Variants in PRSS35 observed in about 807,000 individuals in gnomAD.
PRSS35 encodes the protein serine protease 35, also known as inactive serine protease 35.
A neutral mutation model predicts 8.1 loss-of-function variants in PRSS35; 7 were observed. The ratio of observed to expected loss-of-function variants is 0.86; its 90% CI spans 0.49 to 1.62. The LOEUF is 1.62. Among genes scored for constraint, PRSS35 ranks in the 40% most tolerant of loss-of-function variants. The pLI is 0.00. For synonymous variants in PRSS35, 199 were observed against 188.7 expected, an observed-to-expected ratio of 1.05 and a Z score of -0.45; for missense variants, 566 against 518.0, an observed-to-expected ratio of 1.09 and a Z score of -0.90.
chr6:83,519,823 A>G (rs1381118753), intron 1 of PRSS35, among the ~76,000 whole-genome samples: 4 of 152,200 alleles, frequency 2.6e-5, no homozygotes, highest in Non-Finnish European at 5.9e-5. Context: ...CTCAAAGGGC[A>G]CCAGGCAGGG....
intron 1 of PRSS35, among the ~76,000 whole-genome samples, chr6:83,516,156 T>G (rs1431479591): frequency 6.6e-6 from 1 of 152,152 alleles, no homozygotes; most frequent in Non-Finnish European, 1.5e-5. Context: ...AGGCAGACTG[T>G]TGTAAAAACT....
chr6:83,524,633 C>T lies in PRSS35; in HGVS notation c.1192C>T (p.Gln398Ter). Residue 398 changes from glutamine (Q) to a stop codon, truncating the protein, a stop_gained, in exon 2 of 2, where the codon CAG becomes TAG. Transcript: ENST00000369700. LOFTEE classifies it high-confidence loss of function. Reference sequence around the variant, plus strand: ...TCGCATCACTCCCCTAAAATACGCCCAGATTTGCCTCTGGATTCACGGGAA... The same window carrying T: ...TCGCATCACTCCCCTAAAATACGCCTAGATTTGCCTCTGGATTCACGGGAA... ...AVRITPLKYAQICLWIHGNDA... is the reference protein window; with the variant it reads ...AVRITPLKYA 6.2e-7 allele frequency: 1 copy of T among 1,613,662 alleles called. No individual in the cohort carries two copies. The highest frequency in any genetic ancestry group is 8.5e-7 in the Non-Finnish European group (1 of 1,179,882).
chr6:83,523,807 A>G lies in PRSS35; in HGVS notation c.366A>G (p.Arg122=). 6.2e-7 allele frequency: 1 copy of G among 1,614,210 alleles called. No individual in the cohort carries two copies. Among genetic ancestry groups the G allele is most frequent in the South Asian group, 1.1e-5 (1 of 91,090 alleles). The change falls in exon 2 of 2, where the codon AGA becomes AGG. Residue 122 remains arginine (R), a synonymous_variant. Transcript: ENST00000369700. ...TTKGVSVRRK[R]QVYGTDSRFS... is the part of the protein sequence containing the mutation. ...AGGGAGTATCTGTTAGGAGAAAGAG[A>G]CAGGTGTATGGCACCGACAGCAGGT...
chr6:83,522,675 T>G (rs761300588), intron 1 of PRSS35, among the ~76,000 whole-genome samples: 5 of 152,222 alleles, frequency 3.3e-5, no homozygotes, highest in Non-Finnish European at 5.9e-5. Context: ...AGCACAACTT[T>G]GTTTTTTAAA....
chr6:83,519,174 T>G (rs1771775519), intron 1 of PRSS35, among the ~76,000 whole-genome samples: 1 of 152,190 alleles, frequency 6.6e-6, no homozygotes, highest in African/African-American at 2.4e-5. Flanking sequence ...TGTAATTACA[T>G]CTCTTCCATC....
chr6:83,523,899 G>A lies in PRSS35; in HGVS notation c.458G>A (p.Gly153Asp), dbSNP rs140464540. ...PFSTAVKLST[G>D]CSGILISPQH... ...AGCACAGCTGTGAAGCTTTCCACGGGCTGTAGTGGCATTCTCATTTCCCCT... is the reference window on the plus strand; with the variant it reads ...AGCACAGCTGTGAAGCTTTCCACGGACTGTAGTGGCATTCTCATTTCCCCT... Residue 153 changes from glycine (G) to aspartate (D), a missense_variant, in exon 2 of 2, where the codon GGC (glycine) becomes GAC (aspartate). By Grantham distance (94) the Gly-to-Asp change is moderately conservative (BLOSUM62 -1). Coordinates refer to ENST00000369700, the MANE Select transcript of PRSS35 (RefSeq NM_153362.3). The A allele has an allele frequency of 4.3e-6, 7 of 1,614,068 alleles. No individual in the cohort carries two copies. The highest frequency in any genetic ancestry group is 3.3e-5 in the South Asian group (3 of 91,072).
At position 83,523,765 on chromosome 6, in the gene PRSS35, T is replaced by G. The variant is rs1185046827; in HGVS notation, c.324T>G (p.Thr108=). 2 of 1,614,056 alleles carry G rather than the reference T, an allele frequency of 1.2e-6. No homozygotes were observed. Among genetic ancestry groups the G allele is most frequent in the African/African-American group, 1.3e-5 (1 of 74,932 alleles). Residue 108 remains threonine, a synonymous_variant, in exon 2 of 2, where the codon ACT becomes ACG. Transcript: ENST00000369700. The part of the protein sequence containing the change: ...VKVQDLVLEP[T]QNITTKGVSV... ...TTCAAGATTTGGTTCTTGAGCCGAC[T>G]CAAAATATCACCACAAAGGGAGTAT...
At chr6:83,522,764 A>G (rs1771846116) in intron 1 of PRSS35, among the ~76,000 whole-genome samples, 1 of 152,236 alleles carries the variant, frequency 6.6e-6, no homozygotes, top group Non-Finnish European at 1.5e-5. Context: ...GGCATTCTAT[A>G]CAAATCAAAA....
At chr6:83,512,853 A>G (rs112550597) in intron 1 of PRSS35, among the ~76,000 whole-genome samples, 159 bp downstream of exon 1, 1 of 152,182 alleles carries the variant, frequency 6.6e-6, no homozygotes, top group Non-Finnish European at 1.5e-5. Flanking sequence ...CACCCTTCCC[A>G]TAGGCAATTC....
chr6:83,521,461 A>C (rs972169571), intron 1 of PRSS35, among the ~76,000 whole-genome samples: 2 of 151,704 alleles, frequency 1.3e-5, no homozygotes, highest in South Asian at 4.2e-4. Flanking sequence ...ACGTAAATGC[A>C]GATTTCCTCC....
Position 83,523,003 on chromosome 6 carries a change from A to G in PRSS35, c.-20-419A>G, listed in dbSNP as rs182665179. ...ATTTTTAAGTAGCTAAGTGTGGGAA[A>G]AGACTGCAGCACATTTGCTTTTATC... On this transcript the variant is annotated intron_variant, in intron 1 of 1. Transcript: ENST00000369700. Among the ~76,000 whole-genome samples the G allele has an allele frequency of 2.6e-5, 4 of 152,330 alleles. 1 individual carries two copies. Among genetic ancestry groups the G allele is most frequent in the South Asian group, 4.1e-4 (2 of 4,828 alleles).
At chr6:83,513,304 C>T (rs1251269633) in intron 1 of PRSS35, among the ~76,000 whole-genome samples, 1 of 152,110 alleles carries the variant, frequency 6.6e-6, no homozygotes, top group Non-Finnish European at 1.5e-5. Flanking sequence ...ATACTTTTCT[C>T]TGTGCTTTTG....
rs560192230 is a variant in PRSS35, at chr6:83,514,799, A to G, written c.-21+2105A>G. Among the ~76,000 whole-genome samples, 155 of 152,294 alleles carry G rather than the reference A, an allele frequency of 1.0e-3. 1 individual carries two copies. The highest frequency in any genetic ancestry group is 3.4e-3 in the African/African-American group (143 of 41,562). On this transcript the variant is annotated intron_variant, in intron 1 of 1. Coordinates refer to ENST00000369700, the MANE Select transcript of PRSS35 (RefSeq NM_153362.3). ...TTTTTGAAAAACTATCTGCCAGAAA[A>G]TTGTCTGACTGTAGACAGCATTATC... is the stretch of plus-strand genomic sequence containing the variant.
intron 1 of PRSS35, among the ~76,000 whole-genome samples, chr6:83,521,748 G>A (rs959669189): frequency 6.6e-6 from 1 of 151,782 alleles, no homozygotes; most frequent in South Asian, 2.1e-4. Context: ...GCAATCCTCC[G>A]ATCTTAGCCT....
rs919773603 is a variant in PRSS35 at position 83,512,560 on chromosome 6, C to CTGTGG, written c.-154_-150dup. ...CAGTCTCAGTGGCGAGCTCTGGGTG[C>CTGTGG]TGTGGCCCGGCCTTGGCGGGGCGGC... On this transcript the variant is annotated 5_prime_UTR_variant, in exon 1 of 2. Transcript: ENST00000369700. The CTGTGG allele has an allele frequency of 6.6e-6, 1 of 152,300 alleles. No homozygotes were observed. The highest frequency in any genetic ancestry group is 2.4e-5 in the African/African-American group (1 of 41,390). 9.4% of individuals were successfully genotyped at this position (152,300 alleles called of 1,614,324 possible). A position where few individuals can be genotyped will look rare whatever the true frequency, so the allele number is the denominator to read the frequency against.
chr6:83,524,299 CAAAA>C lies in PRSS35; in HGVS notation c.860_863del (p.Lys287ArgfsTer19). The C allele has an allele frequency of 1.2e-6, 2 of 1,613,948 alleles. No homozygotes were observed. The highest frequency in any genetic ancestry group is 1.7e-6 in the Non-Finnish European group (2 of 1,179,984). ...CTCTTCTGGAGCTGAAGCGTGCTCA[CAAAA>C]AGAAATACATGGAACTTGGAATCAG... On this transcript the variant is annotated frameshift_variant, in exon 2 of 2. Transcript: ENST00000369700. LOFTEE classifies it high-confidence loss of function.
At chr6:83,515,044 C>T (rs1884951) in intron 1 of PRSS35, among the ~76,000 whole-genome samples, 24,810 of 152,158 alleles carry the variant, frequency 0.16, 2,179 homozygotes, top group East Asian at 0.24. Context: ...TTGCCATCAC[C>T]AGGCTAATTT....
chr6:83,513,441 C>A (rs952575831), intron 1 of PRSS35, among the ~76,000 whole-genome samples: 2 of 152,194 alleles, frequency 1.3e-5, no homozygotes, highest in African/African-American at 4.8e-5. Flanking sequence ...GTCTAGGGGG[C>A]TTTCACCCCT....
intron 1 of PRSS35, 114 bp from the exon 2 acceptor site, chr6:83,523,308 A>AT: frequency 1.3e-6 from 1 of 773,352 alleles, no homozygotes; most frequent in Non-Finnish European, 2.1e-6. Context: ...TAAGGTGAAA[A>AT]TAAGGACACC....
Sources: allele counts gnomAD v4.1 joint callset (sites outside exome capture counted in the v4.1 genomes callset), GRCh38; gene constraint gnomAD v4.1.1; transcripts MANE v1.5; gene names NCBI Gene and HGNC (gene_info 2026-07-23, HGNC 2026-07-21).